The following PKD1L1 variants were observed in gnomAD, a reference collection of about 807,000 sequenced individuals.
PKD1L1 encodes polycystin 1 like 1, transient receptor potential channel interacting.
Under a neutral mutation model 323.4 loss-of-function variants are expected in PKD1L1, and 236 were observed. That is an observed-to-expected ratio of 0.73 (90% CI 0.66 to 0.81). PKD1L1 has a LOEUF of 0.81. PKD1L1 is among the 40% of genes least tolerant of loss of function. The pLI is 0.00. For missense variants in PKD1L1, 3,320 were observed against 3,508.0 expected (o/e 0.95, Z 1.35); for synonymous variants, 1,344 against 1,335.0 (o/e 1.01, Z -0.15).
At chr7:47,899,942 C>T (rs1240873735) in intron 13 of PKD1L1, among the ~76,000 whole-genome samples, 7 of 108,400 alleles carry the variant, frequency 6.5e-5, no homozygotes, top group African/African-American at 1.5e-4. Flanking sequence ...GGCAACAGAG[C>T]GAGACTCCAT....
intron 37 of PKD1L1, among the ~76,000 whole-genome samples, chr7:47,836,315 G>A (rs1381473596): frequency 6.6e-6 from 1 of 152,188 alleles, no homozygotes; most frequent in African/African-American, 2.4e-5. Flanking sequence ...CTACGACCCA[G>A]CGGTGAACCC....
intron 12 of PKD1L1, among the ~76,000 whole-genome samples, chr7:47,904,044 C>T (rs1787146407): frequency 6.6e-6 from 1 of 152,146 alleles, no homozygotes. Flanking sequence ...GCACCTTTGC[C>T]CAGGACCTTG....
At chr7:47,796,763 G>A (rs570038621) in intron 54 of PKD1L1, among the ~76,000 whole-genome samples, 3 of 151,118 alleles carry the variant, frequency 2.0e-5, no homozygotes, top group East Asian at 3.9e-4. Context: ...CAAGGCAGGC[G>A]GATCATGAGG....
intron 7 of PKD1L1, among the ~76,000 whole-genome samples, chr7:47,917,778 C>T: frequency 6.6e-6 from 1 of 152,118 alleles, no homozygotes; most frequent in Non-Finnish European, 1.5e-5. Context: ...TGACAGAATT[C>T]ACCACTACCA....
chr7:47,784,271 C>A (rs1305100581), intron 56 of PKD1L1, among the ~76,000 whole-genome samples: 2 of 152,182 alleles, frequency 1.3e-5, no homozygotes, highest in Non-Finnish European at 2.9e-5. Context: ...GTTATTCCCA[C>A]TTCCAATATA....
At chr7:47,899,524 C>A (rs1787032609) in intron 13 of PKD1L1, among the ~76,000 whole-genome samples, 1 of 152,114 alleles carries the variant, frequency 6.6e-6, no homozygotes, top group Admixed American at 6.5e-5. Flanking sequence ...CCAGATGCCA[C>A]CTCAAGCATG....
intron 7 of PKD1L1, among the ~76,000 whole-genome samples, chr7:47,926,340 A>T (rs1288183576): frequency 6.6e-6 from 1 of 152,188 alleles, no homozygotes; most frequent in African/African-American, 2.4e-5. Context: ...CTTTGTATCT[A>T]CCTATGACCT....
At chr7:47,842,160 T>C (rs144494469) in intron 34 of PKD1L1, among the ~76,000 whole-genome samples, 28 of 152,348 alleles carry the variant, frequency 1.8e-4, no homozygotes, top group African/African-American at 6.0e-4. Flanking sequence ...TGTGTATGCA[T>C]TGCTTGTGAA....
chr7:47,830,001 C>T (rs1056381933), intron 43 of PKD1L1, 39 bp downstream of exon 43: 6 of 1,572,502 alleles, frequency 3.8e-6, no homozygotes, highest in African/African-American at 2.7e-5. Context: ...AGGTCCCCTG[C>T]TGATGGAAGG....
rs759246814 is a variant in PKD1L1 at position 47,885,931 on chromosome 7, G to A, written c.2960C>T (p.Pro987Leu). The A allele has an allele frequency of 4.3e-6, 7 of 1,614,074 alleles. No homozygotes were observed. Among genetic ancestry groups the A allele is most frequent in the Non-Finnish European group, 5.9e-6 (7 of 1,180,034 alleles). The change falls in exon 18 of 57, where the codon CCA (proline) becomes CTA (leucine). Residue 987 changes from proline (P) to leucine (L), a missense_variant. Transcript: ENST00000289672. The part of the protein sequence containing the change: ...GTADPDATTT[P>L]FSREPSPVTL... ...CACGGGTGAAGGTTCCCGTGAGAAT[G>A]GTGTGGTCGTTGCATCAGGATCTGC...
chr7:47,855,344 C>T (rs893925250), intron 28 of PKD1L1, 79 bp from the exon 29 acceptor site: 319 of 962,442 alleles, frequency 3.3e-4, no homozygotes, highest in Admixed American at 3.4e-4. Context: ...ACCAAAGTAT[C>T]GTGGTGCTGC....
At chr7:47,830,811 A>T (rs554467447) in intron 42 of PKD1L1, among the ~76,000 whole-genome samples, 1 of 152,328 alleles carries the variant, frequency 6.6e-6, no homozygotes, top group African/African-American at 2.4e-5. Flanking sequence ...AATCTGTGAC[A>T]CATGCATCAT....
chr7:47,898,160 G>A lies in PKD1L1; in HGVS notation c.2099C>T (p.Thr700Met), dbSNP rs762408820. The A allele has an allele frequency of 1.8e-5, 29 of 1,613,990 alleles. No homozygotes were observed. The highest frequency in any genetic ancestry group is 2.2e-5 in the Non-Finnish European group (26 of 1,180,020). The change falls in exon 14 of 57, where the codon ACG becomes ATG. Residue 700 changes from threonine (T) to methionine (M), a missense_variant. Thr to Met is a moderately conservative substitution (Grantham distance 81). Coordinates refer to ENST00000289672, the MANE Select transcript of PKD1L1 (RefSeq NM_138295.5). ...ATCACAGAAGACTGCAGCTTCAAAC[G>A]TCACTCCCAGCCTCACAGGCTGAGA... ...WRSQPVRLGV[T>M]FEAAVFCDIS...
chr7:47,854,748 A>G, intron 30 of PKD1L1, 134 bp downstream of exon 30: 3 of 1,145,868 alleles, frequency 2.6e-6, no homozygotes, highest in Non-Finnish European at 3.8e-6. Flanking sequence ...CAGAATAGAT[A>G]ACAATTTCTT....
At chr7:47,950,571 G>A (rs968193073), upstream of PKD1L1, among the ~76,000 whole-genome samples, 1 of 152,162 alleles carries the variant, frequency 6.6e-6, no homozygotes, top group Non-Finnish European at 1.5e-5. Context: ...TTAGCCAGGT[G>A]TGGTGATGCA....
intron 3 of PKD1L1, among the ~76,000 whole-genome samples, chr7:47,938,214 T>C (rs190223071): frequency 1.2e-3 from 178 of 152,284 alleles, no homozygotes; most frequent in African/African-American, 4.2e-3. Flanking sequence ...CTGTGGGCCT[T>C]TTACAGATTT....
chr7:47,958,410 C>T, the PKD1L1 span, among the ~76,000 whole-genome samples: 5 of 152,158 alleles, frequency 3.3e-5, no homozygotes, highest in Non-Finnish European at 5.9e-5. Flanking sequence ...GAATTAAACC[C>T]TTATCTCCCA....
chr7:47,924,358 T>C (rs187423958), intron 7 of PKD1L1, among the ~76,000 whole-genome samples: 39 of 152,240 alleles, frequency 2.6e-4, no homozygotes, highest in African/African-American at 9.1e-4. Flanking sequence ...TGTGAGGGGG[T>C]AGTCTTAGAA....
chr7:47,916,348 G>A (rs1029085885), intron 7 of PKD1L1, among the ~76,000 whole-genome samples: 2 of 152,146 alleles, frequency 1.3e-5, no homozygotes, highest in Non-Finnish European at 2.9e-5. Flanking sequence ...TTCATTAAGT[G>A]GAACTTGGGT....
Sources: gnomAD v4.1 joint callset for allele counts (sites outside exome capture counted in the v4.1 genomes callset) on GRCh38, gnomAD v4.1.1 for gene constraint, MANE v1.5 for transcripts, NCBI Gene and HGNC (gene_info 2026-07-23, HGNC 2026-07-21) for gene names.